Variants in AFF3 observed in about 807,000 individuals in gnomAD.
AFF3 encodes the protein ALF transcription elongation factor 3.
Under a neutral mutation model 129.7 loss-of-function variants are expected in AFF3, and 32 were observed. The observed-to-expected ratio is 0.25, with a 90% CI of 0.19 to 0.33. The LOEUF is 0.33. Ranked by LOEUF, AFF3 falls within the 10% of genes least tolerant of loss-of-function variation. AFF3 has a pLI of 1.00. For missense variants in AFF3, 1,373 were observed against 1,592.0 expected (o/e 0.86, Z 2.34); for synonymous variants, 644 against 635.4 (o/e 1.01, Z -0.20).
intron 8 of AFF3, among the ~76,000 whole-genome samples, chr2:99,771,644 TCA>T (rs1683500723): frequency 1.3e-5 from 2 of 152,138 alleles, no homozygotes; most frequent in Admixed American, 1.3e-4. Flanking sequence ...TTCAAAGCTC[TCA>T]GAGACAAAAG....
rs750233194 is a variant in AFF3, at chr2:99,969,462, AATTTT to A, written c.873+37165_873+37169del. Among the ~76,000 whole-genome samples the A allele has an allele frequency of 2.2e-4, 28 of 128,040 alleles. No homozygotes were observed. In the East Asian group the frequency reaches 3.5e-3, roughly 16 times the overall value. 84.0% of individuals were successfully genotyped at this position (128,040 alleles called of 152,430 possible). ...ATATCTACCAGATCATTTAGACACA[AATTTT>A]ATTTTATTTTCATTTATTTATTTAT... On this transcript the variant is annotated intron_variant, in intron 7 of 24. Coordinates refer to ENST00000672756, the MANE Select transcript of AFF3 (RefSeq NM_001386135.1).
At chr2:99,917,532 T>C (rs1449008545) in intron 7 of AFF3, among the ~76,000 whole-genome samples, 2 of 152,122 alleles carry the variant, frequency 1.3e-5, no homozygotes, top group Non-Finnish European at 2.9e-5. Context: ...CCTCTAAGAG[T>C]TTAGATTCTA....
At chr2:99,883,819 A>C (rs1248912827) in intron 7 of AFF3, among the ~76,000 whole-genome samples, 1 of 139,994 alleles carries the variant, frequency 7.1e-6, no homozygotes, top group African/African-American at 2.7e-5. Context: ...AGGCAGAATT[A>C]TTATTATACA....
intron 11 of AFF3, chr2:99,707,579 C>A: frequency 2.0e-6 from 2 of 985,280 alleles, no homozygotes; most frequent in Non-Finnish European, 2.4e-6. Flanking sequence ...AAAAATCCCC[C>A]TTGCAATTAA....
intron 24 of AFF3, among the ~76,000 whole-genome samples, chr2:99,553,696 G>A (rs1174964693): frequency 6.6e-6 from 1 of 151,752 alleles, no homozygotes; most frequent in African/African-American, 2.4e-5. Flanking sequence ...GGCAGATCAC[G>A]AGGTCAAGAG....
At chr2:99,890,636 CA>C (rs1342469139) in intron 7 of AFF3, among the ~76,000 whole-genome samples, 1 of 152,160 alleles carries the variant, frequency 6.6e-6, no homozygotes, top group Admixed American at 6.5e-5. Context: ...CACTCTCTCA[CA>C]GGCTGCACAC....
chr2:100,055,462 T>TAAA (rs55713850), intron 4 of AFF3, among the ~76,000 whole-genome samples: 27 of 128,498 alleles, frequency 2.1e-4, no homozygotes, highest in Admixed American at 4.0e-4. Flanking sequence ...CTAGAAATCT[T>TAAA]AAAAAAAAAA....
chr2:99,743,614 C>T (rs1680901380), intron 10 of AFF3, among the ~76,000 whole-genome samples: 1 of 152,130 alleles, frequency 6.6e-6, no homozygotes, highest in South Asian at 2.1e-4. Context: ...GCCACCAATT[C>T]AATAAGGAAA....
At chr2:99,685,301 G>T (rs1305124386) in intron 11 of AFF3, among the ~76,000 whole-genome samples, 1 of 152,148 alleles carries the variant, frequency 6.6e-6, no homozygotes, top group African/African-American at 2.4e-5. Context: ...TAAATCCATT[G>T]TCAGGTACAT....
intron 7 of AFF3, among the ~76,000 whole-genome samples, chr2:99,943,479 T>G (rs1209487589): frequency 6.6e-6 from 1 of 152,204 alleles, no homozygotes; most frequent in African/African-American, 2.4e-5. Context: ...ACATCTGATT[T>G]TCAATGAATG....
intron 7 of AFF3, among the ~76,000 whole-genome samples, chr2:99,941,283 A>G (rs1297212379): frequency 1.3e-5 from 2 of 152,218 alleles, no homozygotes; most frequent in East Asian, 3.9e-4. Context: ...ATAGGACAGC[A>G]GGGATTCTTT....
intron 11 of AFF3, among the ~76,000 whole-genome samples, chr2:99,675,170 A>C (rs997628270): frequency 6.6e-6 from 1 of 152,228 alleles, no homozygotes; most frequent in Non-Finnish European, 1.5e-5. Flanking sequence ...AAATGAATTT[A>C]TTGTGTTTCC....
intron 4 of AFF3, among the ~76,000 whole-genome samples, chr2:100,103,797 C>T (rs1201197856): frequency 5.9e-5 from 9 of 151,786 alleles, no homozygotes; most frequent in Non-Finnish European, 1.0e-4. Context: ...CTGTGAACCC[C>T]GAGGAAAGGA....
At chr2:100,011,088 C>G (rs1407905372) in intron 4 of AFF3, among the ~76,000 whole-genome samples, 1 of 152,084 alleles carries the variant, frequency 6.6e-6, no homozygotes, top group Non-Finnish European at 1.5e-5. Flanking sequence ...TCCTGGCTAA[C>G]ACGGTGAAAC....
At chr2:100,139,509 G>C (rs1692776165) in intron 1 of AFF3, among the ~76,000 whole-genome samples, 1 of 152,278 alleles carries the variant, frequency 6.6e-6, no homozygotes, top group Admixed American at 6.5e-5. Context: ...GAGTCTAGTT[G>C]TCTTGTATTC....
At chr2:100,005,406 AG>A (rs1195092108) in intron 7 of AFF3, among the ~76,000 whole-genome samples, 1 of 152,230 alleles carries the variant, frequency 6.6e-6, no homozygotes, top group African/African-American at 2.4e-5. Context: ...TGGTTGTAAA[AG>A]TCAGTCACCA....
intron 14 of AFF3, among the ~76,000 whole-genome samples, chr2:99,597,371 T>C (rs1679393167): frequency 6.6e-6 from 1 of 152,212 alleles, no homozygotes; most frequent in African/African-American, 2.4e-5. Flanking sequence ...AATTGCGTTG[T>C]CTTTTGATGT....
intron 4 of AFF3, among the ~76,000 whole-genome samples, chr2:100,067,928 T>C (rs1342092141): frequency 6.6e-6 from 1 of 152,160 alleles, no homozygotes; most frequent in African/African-American, 2.4e-5. Context: ...CTACAATAAA[T>C]GTTTGTTCCA....
chr2:99,999,066 C>A (rs1041287402), intron 7 of AFF3, among the ~76,000 whole-genome samples: 1 of 152,094 alleles, frequency 6.6e-6, no homozygotes, highest in South Asian at 2.1e-4. Flanking sequence ...GCACACACTA[C>A]CCCCGGGGAA....
Sources: gnomAD v4.1 joint callset for allele counts (sites outside exome capture counted in the v4.1 genomes callset) on GRCh38, gnomAD v4.1.1 for gene constraint, MANE v1.5 for transcripts, NCBI Gene and HGNC (gene_info 2026-07-23, HGNC 2026-07-21) for gene names.